MTR: variants seen among roughly 807,000 people sequenced by gnomAD.
The protein encoded by MTR is methionine synthase.
Under a neutral mutation model 154.8 loss-of-function variants are expected in MTR, and 84 were observed. The observed-to-expected ratio is 0.54, with a 90% CI of 0.45 to 0.65. The LOEUF (loss-of-function observed/expected upper bound fraction) is 0.65. MTR is among the 30% of genes least tolerant of loss of function. The probability of loss-of-function intolerance (pLI) is 0.00; values close to 1 mark genes in which losing one functional copy is unlikely to be tolerated. For missense variants in MTR, 1,275 were observed against 1,570.2 expected, an observed-to-expected ratio of 0.81 and a Z score of 3.18; for synonymous variants, 554 against 553.9, an observed-to-expected ratio of 1.00 and a Z score of 0.00.
chr1:236,851,968 T>C (rs1409594328), intron 16 of MTR, among the ~76,000 whole-genome samples: 2 of 152,214 alleles, frequency 1.3e-5, no homozygotes, highest in African/African-American at 4.8e-5. Context: ...TAGACATGCA[T>C]GCCTGAACTT....
intron 1 of MTR, among the ~76,000 whole-genome samples, chr1:236,798,263 T>C (rs16834391): frequency 0.013 from 1,962 of 152,350 alleles, 24 homozygotes; most frequent in Middle Eastern, 0.031. Context: ...TCAGAGCAGA[T>C]GTGTTCTTGA....
Position 236,900,202 on chromosome 1 carries a change from A to T in MTR, c.*2558A>T. On this transcript the variant is annotated 3_prime_UTR_variant, in exon 33 of 33. Transcript: ENST00000366577. ...GGAAAATAGGTGAATAATTAGATAT[A>T]TATATTCATTCTACGGGATATTATT... is the stretch of plus-strand genomic sequence containing the variant. The T allele has an allele frequency of 2.5e-6, 1 of 403,870 alleles. No individual in the cohort carries two copies. The highest frequency in any genetic ancestry group is 5.0e-6 in the Non-Finnish European group (1 of 201,304). 25.0% of individuals were successfully genotyped at this position (403,870 alleles called of 1,614,324 possible).
intron 13 of MTR, 41 bp from the exon 14 acceptor site, chr1:236,835,506 A>G (rs1272094257): frequency 1.2e-6 from 2 of 1,611,564 alleles, no homozygotes; most frequent in Non-Finnish European, 1.7e-6. Context: ...TCTCCTAGTA[A>G]CTGTCTCCTA....
At chr1:236,819,201 C>G (rs892306800) in intron 8 of MTR, among the ~76,000 whole-genome samples, 2 of 152,134 alleles carry the variant, frequency 1.3e-5, no homozygotes, top group Non-Finnish European at 2.9e-5. Flanking sequence ...TAACATATAT[C>G]CATTACAGCA....
At chr1:236,862,394 A>C (rs749181441) in intron 21 of MTR, 51 bp downstream of exon 21, 1 of 1,481,500 alleles carries the variant, frequency 6.7e-7, no homozygotes, top group African/African-American at 1.4e-5. Flanking sequence ...GACCTGGAAG[A>C]CTTGAGGTGG....
At chr1:236,861,342 A>G in intron 20 of MTR, 65 bp downstream of exon 20, 1 of 1,606,736 alleles carries the variant, frequency 6.2e-7, no homozygotes, top group Non-Finnish European at 8.5e-7. Context: ...ATAAATGGCG[A>G]TTTGGGATAT....
At chr1:236,845,804 A>G (rs1488957245) in intron 15 of MTR, among the ~76,000 whole-genome samples, 2 of 152,256 alleles carry the variant, frequency 1.3e-5, no homozygotes, top group Non-Finnish European at 2.9e-5. Context: ...TTCAAAGTTA[A>G]GAAGCCAGCA....
At chr1:236,894,187 T>C (rs1348683848) in intron 29 of MTR, among the ~76,000 whole-genome samples, 170 bp from the exon 30 acceptor site, 7 of 152,208 alleles carry the variant, frequency 4.6e-5, no homozygotes, top group Non-Finnish European at 1.0e-4. Context: ...TCACTATGTG[T>C]CAGACACAAT....
At chr1:236,803,738 A>G in intron 2 of MTR, 96 bp downstream of exon 2, 1 of 1,186,186 alleles carries the variant, frequency 8.4e-7, no homozygotes, top group Non-Finnish European at 1.2e-6. Context: ...GCTCCGGAGA[A>G]TAAAGAATAA....
At position 236,802,938 on chromosome 1, in the gene MTR, A is replaced by G. The variant is rs746295679; in HGVS notation, c.35-490A>G. Among the ~76,000 whole-genome samples the G allele has an allele frequency of 3.9e-5, 6 of 152,202 alleles. No homozygotes were observed. The South Asian group carries it at 6.2e-4, about 16-fold the overall frequency. On this transcript the variant is annotated intron_variant, in intron 1 of 32. Coordinates refer to ENST00000366577, the MANE Select transcript of MTR (RefSeq NM_000254.3). ...AAGGGTGTTAGCCAGTTATTATTTC[A>G]TAGTTGGGCAGAGGTGAGTAAAACT...
intron 28 of MTR, among the ~76,000 whole-genome samples, chr1:236,890,397 T>C (rs1177941751): frequency 6.6e-6 from 1 of 152,152 alleles, no homozygotes; most frequent in African/African-American, 2.4e-5. Context: ...AGGTGCAGCA[T>C]TGAAGCCACA....
chr1:236,845,605 A>G (rs1188482304), intron 15 of MTR, among the ~76,000 whole-genome samples: 1 of 152,234 alleles, frequency 6.6e-6, no homozygotes, highest in Non-Finnish European at 1.5e-5. Context: ...GAGATTTTAC[A>G]CCAACATTAT....
intron 15 of MTR, among the ~76,000 whole-genome samples, chr1:236,841,914 A>C (rs10925245): frequency 4.3e-4 from 62 of 143,002 alleles, no homozygotes; most frequent in African/African-American, 1.6e-3. Context: ...TTTTTTTGAG[A>C]CGGAGTCTCG....
At chr1:236,893,153 C>G (rs1403518210) in intron 29 of MTR, among the ~76,000 whole-genome samples, 1 of 152,108 alleles carries the variant, frequency 6.6e-6, no homozygotes, top group Admixed American at 6.5e-5. Flanking sequence ...AGCTTTGGGT[C>G]CCCCTCTGGC....
intron 26 of MTR, 29 bp from the exon 27 acceptor site, chr1:236,886,263 C>CT: frequency 6.3e-7 from 1 of 1,592,454 alleles, no homozygotes; most frequent in South Asian, 1.1e-5. Flanking sequence ...CTAAGAGTGT[C>CT]TAACTAATTT....
chr1:236,895,383 G>GAACTAGGCCAC lies in MTR; in HGVS notation c.3432_3433insACTAGGCCACA (p.Val1145ThrfsTer63). Reference sequence around the variant, plus strand: ...GCCTTTGCAGAAGAGCTCCATGAAAGAGTTCGCCGAGAACTGTGGGCCTAC... The same window carrying GAACTAGGCCAC: ...GCCTTTGCAGAAGAGCTCCATGAAAGAACTAGGCCACAGTTCGCCGAGAACTGTGGGCCTAC... On this transcript the variant is annotated frameshift_variant, in exon 31 of 33. Transcript: ENST00000366577. LOFTEE classifies it high-confidence loss of function. 1 of 1,602,928 alleles carries GAACTAGGCCAC rather than the reference G, an allele frequency of 6.2e-7. No individual in the cohort carries two copies. Among genetic ancestry groups the GAACTAGGCCAC allele is most frequent in the Non-Finnish European group, 8.5e-7 (1 of 1,174,276 alleles).
At chr1:236,871,426 A>G (rs1665125248) in intron 22 of MTR, among the ~76,000 whole-genome samples, 1 of 152,232 alleles carries the variant, frequency 6.6e-6, no homozygotes, top group Admixed American at 6.5e-5. Flanking sequence ...TGAGAGAAAC[A>G]CTGCTGAAAC....
At chr1:236,888,974 T>C (rs1453016079) in intron 27 of MTR, among the ~76,000 whole-genome samples, 1 of 152,198 alleles carries the variant, frequency 6.6e-6, no homozygotes, top group Non-Finnish European at 1.5e-5. Flanking sequence ...GTCAGCTGCA[T>C]GTGAAGAATA....
At chr1:236,860,447 T>A (rs935425843) in intron 19 of MTR, among the ~76,000 whole-genome samples, 3 of 152,070 alleles carry the variant, frequency 2.0e-5, no homozygotes, top group African/African-American at 7.2e-5. Context: ...TTTAACTCTT[T>A]CACCTTTTGA....
Sources: allele counts gnomAD v4.1 joint callset (sites outside exome capture counted in the v4.1 genomes callset), GRCh38; gene constraint gnomAD v4.1.1; transcripts MANE v1.5; gene names NCBI Gene and HGNC (gene_info 2026-07-23, HGNC 2026-07-21).